The following GRIN2B variants were observed in gnomAD, a reference collection of about 807,000 sequenced individuals.
GRIN2B encodes glutamate ionotropic receptor NMDA type subunit 2B, also known as glutamate receptor ionotropic, NMDA 2B.
Under a neutral mutation model 114.5 loss-of-function variants are expected in GRIN2B, and 5 were observed. The observed-to-expected ratio is 0.04, with a 90% confidence interval of 0.02 to 0.09. GRIN2B has a LOEUF of 0.09. GRIN2B is among the 10% of genes least tolerant of loss of function. GRIN2B has a pLI of 1.00. For missense variants in GRIN2B, 1,108 were observed against 1,943.5 expected (o/e 0.57, Z 8.08); for synonymous variants, 787 against 745.1 (o/e 1.06, Z -0.92).
intron 10 of GRIN2B, among the ~76,000 whole-genome samples, chr12:13,606,080 G>A (rs1015621111): frequency 5.9e-5 from 9 of 152,122 alleles, no homozygotes; most frequent in African/African-American, 1.9e-4. Context: ...CTCATGTGAA[G>A]ACATGGTCTG....
intron 2 of GRIN2B, among the ~76,000 whole-genome samples, chr12:13,960,960 A>C (rs1867678828): frequency 6.6e-6 from 1 of 152,226 alleles, no homozygotes; most frequent in African/African-American, 2.4e-5. Flanking sequence ...AACTGAGACC[A>C]GGACTATGGA....
chr12:13,634,351 A>G (rs1350296100), intron 5 of GRIN2B: 1 of 152,200 alleles, frequency 6.6e-6, no homozygotes, highest in East Asian at 1.9e-4. Flanking sequence ...TGTGAAATGT[A>G]TTATAATTCC....
intron 2 of GRIN2B, among the ~76,000 whole-genome samples, chr12:13,958,171 T>G (rs219933): frequency 0.034 from 5,171 of 152,240 alleles, 301 homozygotes; most frequent in African/African-American, 0.12. Context: ...GAGCACTAAT[T>G]AGGATTAATT....
chr12:13,764,863 G>A (rs554171764), intron 3 of GRIN2B, among the ~76,000 whole-genome samples: 7 of 152,284 alleles, frequency 4.6e-5, no homozygotes, highest in East Asian at 3.9e-4. Context: ...CCCCATCCTC[G>A]TCAGACTCTG....
chr12:13,974,214 C>T (rs1290338557), intron 2 of GRIN2B, among the ~76,000 whole-genome samples: 1 of 152,198 alleles, frequency 6.6e-6, no homozygotes, highest in African/African-American at 2.4e-5. Flanking sequence ...TGGACACAAA[C>T]CAACTAACAG....
At chr12:13,856,922 C>A (rs1865671678) in intron 3 of GRIN2B, among the ~76,000 whole-genome samples, 1 of 152,172 alleles carries the variant, frequency 6.6e-6, no homozygotes. Context: ...ACCTATATGA[C>A]CCACCCATGT....
At chr12:13,792,376 C>A (rs940821001) in intron 3 of GRIN2B, among the ~76,000 whole-genome samples, 3 of 152,228 alleles carry the variant, frequency 2.0e-5, no homozygotes, top group Admixed American at 2.0e-4. Context: ...GTTTAGAAAC[C>A]ACCATGATGG....
chr12:13,697,630 G>T (rs760015143), intron 4 of GRIN2B, among the ~76,000 whole-genome samples: 1 of 152,128 alleles, frequency 6.6e-6, no homozygotes, highest in Non-Finnish European at 1.5e-5. Flanking sequence ...GTCCAAGGTT[G>T]CACTTAGGGA....
intron 5 of GRIN2B, among the ~76,000 whole-genome samples, chr12:13,668,851 C>T (rs1287580728): frequency 6.6e-6 from 1 of 151,016 alleles, no homozygotes; most frequent in Non-Finnish European, 1.5e-5. Context: ...TTTGTGGGGG[C>T]AGTCCTTGGC....
chr12:13,675,921 G>T, intron 4 of GRIN2B, 62 bp from the exon 5 acceptor site: 1 of 915,320 alleles, frequency 1.1e-6, no homozygotes, highest in Non-Finnish European at 1.8e-6. Flanking sequence ...GAACAAGGCA[G>T]TCAGGTATAT....
intron 2 of GRIN2B, among the ~76,000 whole-genome samples, chr12:13,939,888 T>A (rs188406672): frequency 2.0e-5 from 3 of 152,182 alleles, no homozygotes; most frequent in Admixed American, 6.5e-5. Flanking sequence ...AAGAAACATA[T>A]CCAGCCCACA....
At chr12:13,970,272 A>G (rs978323249) in intron 2 of GRIN2B, among the ~76,000 whole-genome samples, 3 of 152,350 alleles carry the variant, frequency 2.0e-5, no homozygotes, top group Non-Finnish European at 2.9e-5. Context: ...AAATGTCCAT[A>G]TCGAACACAA....
At chr12:13,754,563 A>G (rs1863544828) in intron 3 of GRIN2B, among the ~76,000 whole-genome samples, 1 of 133,678 alleles carries the variant, frequency 7.5e-6, no homozygotes, top group Admixed American at 7.9e-5. Flanking sequence ...ATGAAATTGG[A>G]TCACTATGTG....
chr12:13,880,345 G>A (rs1242097998), intron 2 of GRIN2B, among the ~76,000 whole-genome samples: 1 of 152,234 alleles, frequency 6.6e-6, no homozygotes, highest in East Asian at 1.9e-4. Context: ...GCCCACGGAA[G>A]GAATGTTTGG....
At chr12:13,803,796 A>G (rs1338167347) in intron 3 of GRIN2B, among the ~76,000 whole-genome samples, 1 of 152,120 alleles carries the variant, frequency 6.6e-6, no homozygotes, top group East Asian at 1.9e-4. Context: ...GAAGCAACAC[A>G]CATGTGGAAA....
chr12:13,698,579 C>T (rs951074247), intron 4 of GRIN2B, among the ~76,000 whole-genome samples: 3 of 152,124 alleles, frequency 2.0e-5, no homozygotes, highest in African/African-American at 4.8e-5. Flanking sequence ...AATATTTCCA[C>T]AATGTGTATA....
chr12:13,622,315 G>A (rs1949525705), intron 5 of GRIN2B, among the ~76,000 whole-genome samples: 1 of 152,126 alleles, frequency 6.6e-6, no homozygotes. Context: ...CTATTTCCCT[G>A]AGCAAGCTAA....
chr12:13,680,954 T>C (rs947622597), intron 4 of GRIN2B, among the ~76,000 whole-genome samples: 5 of 152,172 alleles, frequency 3.3e-5, no homozygotes, highest in African/African-American at 4.8e-5. Flanking sequence ...TTGCTTTATA[T>C]GGCCAAAGTC....
chr12:13,656,760 C>G (rs1292055445), intron 5 of GRIN2B, among the ~76,000 whole-genome samples: 1 of 152,188 alleles, frequency 6.6e-6, no homozygotes, highest in Non-Finnish European at 1.5e-5. Flanking sequence ...ATAGATGTCA[C>G]TAAAAATACG....
Sources: allele counts gnomAD v4.1 joint callset (sites outside exome capture counted in the v4.1 genomes callset), GRCh38; gene constraint gnomAD v4.1.1; transcripts MANE v1.5; gene names NCBI Gene and HGNC (gene_info 2026-07-23, HGNC 2026-07-21).